PDE12: variants seen among roughly 807,000 people sequenced by gnomAD.
The protein encoded by PDE12 is phosphodiesterase 12, also known as 2',5'-phosphodiesterase 12.
PDE12 carries 26 observed loss-of-function variants against 45.4 expected under a neutral mutation model. The ratio of observed to expected loss-of-function variants is 0.57; its 90% confidence interval spans 0.42 to 0.79. The LOEUF (loss-of-function observed/expected upper bound fraction) is 0.79. Ranked by LOEUF, PDE12 falls within the 30% of genes least tolerant of loss-of-function variation. The pLI, the probability that PDE12 is intolerant of heterozygous loss-of-function variation, is 0.00. For missense variants in PDE12, 668 were observed against 790.0 expected (o/e 0.85, Z 1.85); for synonymous variants, 283 against 323.9 (o/e 0.87, Z 1.36).
rs766435276 is a variant in PDE12, at chr3:57,560,297, A to T, written c.*293A>T. 9.5e-6 allele frequency: 11 copies of T among 1,155,766 alleles called. No individual in the cohort carries two copies. Among genetic ancestry groups the T allele is most frequent in the Non-Finnish European group, 1.2e-5 (11 of 937,950 alleles). 71.6% of individuals were successfully genotyped at this position (1,155,766 alleles called of 1,614,324 possible). A position where few individuals can be genotyped will look rare whatever the true frequency, so the allele number is the denominator to read the frequency against. On this transcript the variant is annotated 3_prime_UTR_variant, in exon 3 of 3. Coordinates refer to ENST00000311180, the MANE Select transcript of PDE12 (RefSeq NM_177966.7). ...ACTCTCAGAAAAGGAAGATTGAATT[A>T]GCGTGTTTTTTGTTTGTTTGTTTTT...
chr3:57,558,487 A>C (rs549182411), intron 1 of PDE12, among the ~76,000 whole-genome samples: 1 of 127,206 alleles, frequency 7.9e-6, no homozygotes, highest in South Asian at 2.3e-4. Context: ...TATATATTGG[A>C]CTATTATTAT....
chr3:57,634,761 G>T, the PDE12 span: 34 of 1,562,052 alleles, frequency 2.2e-5, no homozygotes, highest in Non-Finnish European at 2.9e-5. Flanking sequence ...ACCTGCTTAG[G>T]AATTTCACCT....
chr3:57,581,476 T>C, the PDE12 span, among the ~76,000 whole-genome samples: 1 of 152,164 alleles, frequency 6.6e-6, no homozygotes, highest in African/African-American at 2.4e-5. Context: ...GGCTTAAGGA[T>C]TAGCAAGGTT....
At chr3:57,648,648 G>A in the PDE12 span, among the ~76,000 whole-genome samples, 7 of 152,126 alleles carry the variant, frequency 4.6e-5, no homozygotes, top group Non-Finnish European at 4.4e-5. Flanking sequence ...AAAACAGCAT[G>A]GTACTGGTAT....
chr3:57,645,162 T>C, the PDE12 span, among the ~76,000 whole-genome samples: 4 of 152,108 alleles, frequency 2.6e-5, no homozygotes, highest in African/African-American at 9.6e-5. Context: ...TAGCTTCCAT[T>C]AATAAATAAA....
the PDE12 span, among the ~76,000 whole-genome samples, chr3:57,611,874 C>G: frequency 2.2e-3 from 341 of 152,278 alleles, 3 homozygotes; most frequent in South Asian, 0.017. Flanking sequence ...ACCCAGCCAT[C>G]CCATTACTGG....
At chr3:57,580,640 T>C in the PDE12 span, among the ~76,000 whole-genome samples, 2 of 152,046 alleles carry the variant, frequency 1.3e-5, no homozygotes, top group African/African-American at 4.8e-5. Flanking sequence ...GTGATCCTCG[T>C]ATCATGGCCT....
At position 57,559,855 on chromosome 3, in the gene PDE12, G is replaced by C. The variant is rs766894755; in HGVS notation, c.1681G>C (p.Asp561His). The change falls in exon 3 of 3, where the codon GAT becomes CAT. Residue 561 changes from aspartate to histidine, a missense_variant. Asp to His is a moderately conservative substitution (Grantham distance 81). This residue lies in a region of PDE12 where 79 missense variants were observed against 97.9 expected (regional missense o/e 0.81). Coordinates refer to ENST00000311180, the MANE Select transcript of PDE12 (RefSeq NM_177966.7). ...TGTTGGTGGCTTTCATGGATGTCTA[G>C]ATTACATTTTCATTGACTTAAATGC... ...NYVGGFHGCL[D>H]YIFIDLNALE... 2 of 1,614,124 alleles carry C rather than the reference G, an allele frequency of 1.2e-6. No homozygotes were observed. The highest frequency in any genetic ancestry group is 2.2e-5 in the South Asian group (2 of 91,072).
At chr3:57,583,961 T>C in the PDE12 span, 7 of 1,613,072 alleles carry the variant, frequency 4.3e-6, no homozygotes, top group Non-Finnish European at 5.9e-6. Context: ...CAACATCCCA[T>C]ACTGTGAAAC....
At chr3:57,644,234 G>A in the PDE12 span, among the ~76,000 whole-genome samples, 1 of 151,780 alleles carries the variant, frequency 6.6e-6, no homozygotes, top group Non-Finnish European at 1.5e-5. Flanking sequence ...GGGATTCGTA[G>A]AGAAAAGAAG....
the PDE12 span, among the ~76,000 whole-genome samples, chr3:57,652,932 T>C: frequency 6.6e-6 from 1 of 152,230 alleles, no homozygotes; most frequent in African/African-American, 2.4e-5. Context: ...CAACAGATGA[T>C]TCTCAACTAG....
rs1027805720 is a variant in PDE12 at position 57,563,322 on chromosome 3, C to G, written c.*3318C>G. 1 of 152,084 alleles carries G rather than the reference C, an allele frequency of 6.6e-6. No individual in the cohort carries two copies. Among genetic ancestry groups the G allele is most frequent in the Admixed American group, 6.6e-5 (1 of 15,262 alleles). 9.4% of individuals were successfully genotyped at this position (152,084 alleles called of 1,614,324 possible). ...AAGTAGTTGAGATTACAAGCCCAACCTTCCATAACTGAAAACTAACTTTCT... is the reference window on the plus strand; with the variant it reads ...AAGTAGTTGAGATTACAAGCCCAACGTTCCATAACTGAAAACTAACTTTCT... On this transcript the variant is annotated 3_prime_UTR_variant, in exon 3 of 3. Transcript: ENST00000311180.
chr3:57,635,088 C>T, the PDE12 span, among the ~76,000 whole-genome samples: 1 of 152,186 alleles, frequency 6.6e-6, no homozygotes, highest in South Asian at 2.1e-4. Flanking sequence ...ATGCCAAATA[C>T]ATAAAACTGA....
the PDE12 span, among the ~76,000 whole-genome samples, chr3:57,577,978 G>A: frequency 4.0e-5 from 6 of 151,808 alleles, no homozygotes; most frequent in African/African-American, 9.7e-5. Flanking sequence ...TCACGAGCCC[G>A]AGACGGAGGT....
At chr3:57,607,242 ACAT>A in the PDE12 span, among the ~76,000 whole-genome samples, 2 of 152,204 alleles carry the variant, frequency 1.3e-5, no homozygotes, top group Non-Finnish European at 2.9e-5. Flanking sequence ...CCCCACCTGT[ACAT>A]CACCATCATC....
intron 1 of PDE12, among the ~76,000 whole-genome samples, chr3:57,559,000 T>A (rs1485387935): frequency 3.3e-5 from 5 of 151,002 alleles, no homozygotes; most frequent in African/African-American, 9.7e-5. Flanking sequence ...GGCGGGTGGA[T>A]CACAAGTCAG....
chr3:57,606,394 A>C, the PDE12 span, among the ~76,000 whole-genome samples: 1 of 152,182 alleles, frequency 6.6e-6, no homozygotes, highest in African/African-American at 2.4e-5. Flanking sequence ...AATATCTTAT[A>C]AAAAGAAGGA....
chr3:57,591,701 G>A, the PDE12 span, among the ~76,000 whole-genome samples: 1,996 of 152,072 alleles, frequency 0.013, 49 homozygotes, highest in African/African-American at 0.045. Context: ...TCCTGACCTC[G>A]TGATCTGCCC....
At chr3:57,646,382 C>T in the PDE12 span, 1 of 1,613,966 alleles carries the variant, frequency 6.2e-7, no homozygotes, top group Admixed American at 1.7e-5. Context: ...AAGGGGCTCC[C>T]CCAACAGCAC....
Sources: allele counts gnomAD v4.1 joint callset (sites outside exome capture counted in the v4.1 genomes callset), GRCh38; gene constraint gnomAD v4.1.1; regional missense constraint gnomAD v4.1.1; transcripts MANE v1.5; gene names NCBI Gene and HGNC (gene_info 2026-07-23, HGNC 2026-07-21).